The following CDK17 variants were observed in gnomAD, a reference collection of about 807,000 sequenced individuals.
CDK17 encodes cyclin dependent kinase 17, also known as cyclin-dependent kinase 17.
In CDK17, 24 loss-of-function variants were observed where a neutral mutation model predicts 77.6. That is an observed-to-expected ratio of 0.31 (90% CI 0.22 to 0.44). The LOEUF (loss-of-function observed/expected upper bound fraction) is 0.44. Ranked by LOEUF, CDK17 falls within the 20% of genes least tolerant of loss-of-function variation. The pLI is 1.00. For missense variants in CDK17, 429 were observed against 622.5 expected, an observed-to-expected ratio of 0.69 and a Z score of 3.31; for synonymous variants, 203 against 210.4, an observed-to-expected ratio of 0.96 and a Z score of 0.30.
intron 1 of CDK17, among the ~76,000 whole-genome samples, chr12:96,393,729 T>C (rs1169484165): frequency 6.6e-6 from 1 of 151,680 alleles, no homozygotes; most frequent in Non-Finnish European, 1.5e-5. Flanking sequence ...TGAGACCCTG[T>C]ATCTTAACAA....
intron 1 of CDK17, among the ~76,000 whole-genome samples, chr12:96,369,161 A>G (rs941732854): frequency 6.6e-6 from 1 of 152,142 alleles, no homozygotes; most frequent in Non-Finnish European, 1.5e-5. Flanking sequence ...AAAAAGAAAA[A>G]AAAAGTATAT....
At chr12:96,291,905 T>C (rs1952329377) in intron 10 of CDK17, among the ~76,000 whole-genome samples, 3 of 151,996 alleles carry the variant, frequency 2.0e-5, no homozygotes, top group Admixed American at 2.0e-4. Flanking sequence ...CTGCCATTCA[T>C]TTTGGGATTG....
intron 1 of CDK17, chr12:96,335,167 T>C (rs1953025052): frequency 4.8e-6 from 2 of 414,184 alleles, no homozygotes; most frequent in Non-Finnish European, 9.2e-6. Context: ...TAAAAACCAT[T>C]ATAGTAAAAT....
At chr12:96,379,515 T>C (rs922460375) in intron 1 of CDK17, among the ~76,000 whole-genome samples, 1 of 152,094 alleles carries the variant, frequency 6.6e-6, no homozygotes, top group Non-Finnish European at 1.5e-5. Flanking sequence ...CTCAAATTCC[T>C]GGGATTAAGC....
rs73368414 is a variant in CDK17, at chr12:96,391,917, T to C, written c.-30+8069A>G. Among the ~76,000 whole-genome samples the C allele has an allele frequency of 4.5e-3, 679 of 152,308 alleles. 5 individuals carry two copies. Among genetic ancestry groups the C allele is most frequent in the African/African-American group, 0.015 (625 of 41,566 alleles). On this transcript the variant is annotated intron_variant, in intron 1 of 16. Transcript: ENST00000261211. Reference sequence around the variant, plus strand: ...GAAACCTTTTACACTTTTTATTATCTACTATATCAAAATGTATTCTTGATT... The same window carrying C: ...GAAACCTTTTACACTTTTTATTATCCACTATATCAAAATGTATTCTTGATT...
intron 1 of CDK17, among the ~76,000 whole-genome samples, chr12:96,373,815 G>C (rs1953733225): frequency 6.6e-6 from 1 of 152,010 alleles, no homozygotes; most frequent in African/African-American, 2.4e-5. Flanking sequence ...AGCTACTTAG[G>C]AGGCTGGGGC....
chr12:96,289,204 G>C lies in CDK17; in HGVS notation c.1081C>G (p.Leu361Val), dbSNP rs1344728298. The change falls in exon 11 of 17, where the codon CTT becomes GTT. Residue 361 changes from leucine (L) to valine (V), a missense_variant. Around this residue, in one of 4 missense-constraint regions of CDK17, gnomAD observed 51 missense variants for 96.5 expected, o/e 0.53. Transcript: ENST00000261211. ...TGTGTTGAGTACTCCGAGGAACCAA[G>C]AAGCACATCAGGTGGCCGGTACCAT... ...TLWYRPPDVL[L>V]GSSEYSTQID... 2 of 1,613,846 alleles carry C rather than the reference G, an allele frequency of 1.2e-6. No homozygotes were observed. The highest frequency in any genetic ancestry group is 1.7e-6 in the Non-Finnish European group (2 of 1,179,858).
intron 1 of CDK17, among the ~76,000 whole-genome samples, chr12:96,383,149 A>T (rs1410691708): frequency 6.6e-6 from 1 of 152,146 alleles, no homozygotes; most frequent in African/African-American, 2.4e-5. Context: ...TAAAAACACA[A>T]TCTTATTTAC....
At chr12:96,336,490 A>T (rs991411671) in intron 1 of CDK17, among the ~76,000 whole-genome samples, 4 of 152,228 alleles carry the variant, frequency 2.6e-5, no homozygotes, top group African/African-American at 9.6e-5. Flanking sequence ...ATAATTTTTT[A>T]AAAATCCACT....
chr12:96,390,718 AAAAAAAAAAAGACAG>A (rs1313045491), intron 1 of CDK17, among the ~76,000 whole-genome samples: 1 of 150,472 alleles, frequency 6.6e-6, no homozygotes, highest in Non-Finnish European at 1.5e-5. Flanking sequence ...CAAAAAAAAA[AAAAAAAAAAAGACAG>A]AAAAGAAAAA....
chr12:96,324,220 T>C (rs1191263682), intron 2 of CDK17, 108 bp from the exon 3 acceptor site: 1 of 640,170 alleles, frequency 1.6e-6, no homozygotes, highest in Non-Finnish European at 2.5e-6. Context: ...GATTAGTACA[T>C]TTAGCCTCAT....
chr12:96,290,471 C>T (rs1244922995), intron 10 of CDK17, among the ~76,000 whole-genome samples: 3 of 152,076 alleles, frequency 2.0e-5, no homozygotes, highest in African/African-American at 7.2e-5. Flanking sequence ...AATAAGGTTA[C>T]AGAAACAATG....
chr12:96,388,721 G>A (rs1479168580), intron 1 of CDK17, among the ~76,000 whole-genome samples: 4 of 152,182 alleles, frequency 2.6e-5, no homozygotes, highest in Admixed American at 2.0e-4. Flanking sequence ...GAATCCCTGA[G>A]ACTGGGTAAT....
intron 1 of CDK17, among the ~76,000 whole-genome samples, chr12:96,351,878 T>C (rs756853577): frequency 3.3e-5 from 5 of 152,186 alleles, no homozygotes; most frequent in Non-Finnish European, 5.9e-5. Context: ...GGTTATGATA[T>C]AGACGCTCAC....
At chr12:96,314,288 C>T (rs922042587) in intron 3 of CDK17, among the ~76,000 whole-genome samples, 1 of 152,144 alleles carries the variant, frequency 6.6e-6, no homozygotes, top group Admixed American at 6.6e-5. Context: ...GCCTCTACTT[C>T]CCAGGCTCAA....
At chr12:96,360,827 G>A (rs1953482658) in intron 1 of CDK17, among the ~76,000 whole-genome samples, 1 of 152,192 alleles carries the variant, frequency 6.6e-6, no homozygotes, top group Non-Finnish European at 1.5e-5. Context: ...GCTGGCAAAG[G>A]CCTAGTATTC....
chr12:96,316,897 T>C lies in CDK17; in HGVS notation c.284-3443A>G, dbSNP rs375683057. Among the ~76,000 whole-genome samples, 248 of 149,994 alleles carry C rather than the reference T, an allele frequency of 1.7e-3. 1 individual carries two copies. Among genetic ancestry groups the C allele is most frequent in the Admixed American group, 2.0e-3 (30 of 14,968 alleles). On this transcript the variant is annotated intron_variant, in intron 3 of 16. Transcript: ENST00000261211. ...AAACTGGAAACTCTAAAACGCAGAG[T>C]GCCTCTCCTCCTCCAAAGGAACACA... is the stretch of plus-strand genomic sequence containing the variant.
chr12:96,397,067 T>C (rs367631459), intron 1 of CDK17, among the ~76,000 whole-genome samples: 6 of 152,106 alleles, frequency 3.9e-5, no homozygotes, highest in African/African-American at 1.2e-4. Flanking sequence ...AATAGTTGCA[T>C]TGTTTTTCAG....
At chr12:96,355,310 A>G (rs1953376427) in intron 1 of CDK17, among the ~76,000 whole-genome samples, 1 of 151,316 alleles carries the variant, frequency 6.6e-6, no homozygotes. Context: ...TGTACAAAAC[A>G]GTGAGAACTC....
Sources: gnomAD v4.1 joint callset for allele counts (sites outside exome capture counted in the v4.1 genomes callset) on GRCh38, gnomAD v4.1.1 for gene constraint, gnomAD v4.1.1 regional missense constraint, MANE v1.5 for transcripts, NCBI Gene and HGNC (gene_info 2026-07-23, HGNC 2026-07-21) for gene names.